PALD1: variants seen among roughly 807,000 people sequenced by gnomAD.
PALD1 encodes the protein phosphatase domain containing paladin 1.
Under a neutral mutation model 96.0 loss-of-function variants are expected in PALD1, and 57 were observed. The observed-to-expected ratio is 0.59, with a 90% confidence interval of 0.48 to 0.74. The LOEUF is 0.74. PALD1 is among the 30% of genes least tolerant of loss of function. The probability of loss-of-function intolerance (pLI) is 0.00; values close to 1 mark genes in which losing one functional copy is unlikely to be tolerated. For synonymous variants in PALD1, 464 were observed against 473.6 expected (o/e 0.98, Z 0.26); for missense variants, 1,063 against 1,143.7 (o/e 0.93, Z 1.02).
At chr10:70,543,271 A>G (rs1847291451) in intron 17 of PALD1, among the ~76,000 whole-genome samples, 1 of 152,070 alleles carries the variant, frequency 6.6e-6, no homozygotes, top group Non-Finnish European at 1.5e-5. Flanking sequence ...TTCTTTATAT[A>G]TTCTGGAAAC....
At chr10:70,558,028 C>G (rs1392921564) in intron 18 of PALD1, among the ~76,000 whole-genome samples, 1 of 147,304 alleles carries the variant, frequency 6.8e-6, no homozygotes, top group Admixed American at 6.9e-5. Flanking sequence ...ACCTCTGCCT[C>G]TTGGGCTCAA....
At position 70,530,619 on chromosome 10, in the gene PALD1, G is replaced by T. The variant is rs570444143; in HGVS notation, c.468+551G>T. On this transcript the variant is annotated intron_variant, in intron 4 of 19. Coordinates refer to ENST00000263563, the MANE Select transcript of PALD1 (RefSeq NM_014431.3). ...GTCGGATGTTGAGGCAGGGTTTTGCGTGTCCCTAGGACACAGGCTGAGGGT... is the reference window on the plus strand; with the variant it reads ...GTCGGATGTTGAGGCAGGGTTTTGCTTGTCCCTAGGACACAGGCTGAGGGT... Among the ~76,000 whole-genome samples, 3 of 152,218 alleles carry T rather than the reference G, an allele frequency of 2.0e-5. No homozygotes were observed. In the East Asian group the frequency reaches 5.8e-4, roughly 29 times the overall value.
intron 9 of PALD1, 32 bp downstream of exon 9, chr10:70,534,556 GGGT>G: frequency 6.7e-7 from 1 of 1,484,150 alleles, no homozygotes; most frequent in Non-Finnish European, 9.4e-7. Flanking sequence ...GCTGGGGCAG[GGGT>G]GGTGGAGGGG....
intron 1 of PALD1, among the ~76,000 whole-genome samples, chr10:70,513,158 A>G (rs1358335557): frequency 6.6e-6 from 1 of 152,034 alleles, no homozygotes; most frequent in Admixed American, 6.5e-5. Context: ...AAATTTTTTA[A>G]CCCCCATTTT....
In PALD1 at chr10:70,539,663, C is replaced by T. The variant is rs1163313217; in HGVS notation, c.1809C>T (p.Cys603=). The T allele has an allele frequency of 6.2e-7, 1 of 1,613,730 alleles. No individual in the cohort carries two copies. Among genetic ancestry groups the T allele is most frequent in the Non-Finnish European group, 8.5e-7 (1 of 1,179,814 alleles). The change falls in exon 15 of 20, where the codon TGC becomes TGT. Residue 603 remains cysteine (C), a synonymous_variant. Coordinates refer to ENST00000263563, the MANE Select transcript of PALD1 (RefSeq NM_014431.3). This position sits in a 1 kb window ranked among gnomAD's most constrained non-coding sequence, Gnocchi z 4.5. ...CCCTGACCTACAGGTTCCAGACCTG[C>T]CTTACCATGCAGGAGGTCTTCAGCC... The part of the protein sequence containing the change: ...EGPLTYRFQT[C]LTMQEVFSQH...
intron 1 of PALD1, among the ~76,000 whole-genome samples, chr10:70,496,711 G>A (rs551717431): frequency 1.3e-5 from 2 of 152,302 alleles, no homozygotes; most frequent in East Asian, 1.9e-4. Flanking sequence ...TAAAGCTACT[G>A]TGAACATTTT....
At chr10:70,510,069 C>T (rs1045647017) in intron 1 of PALD1, among the ~76,000 whole-genome samples, 11 of 152,084 alleles carry the variant, frequency 7.2e-5, no homozygotes, top group Non-Finnish European at 1.0e-4. Context: ...CTGGATTTGC[C>T]TAAAATATTG....
chr10:70,538,683 C>CT (rs2132391937), intron 12 of PALD1, among the ~76,000 whole-genome samples: 1 of 152,374 alleles, frequency 6.6e-6, no homozygotes, highest in Non-Finnish European at 1.5e-5. Flanking sequence ...AGCTTCTTCT[C>CT]TTTGAGCCTC....
chr10:70,486,521 G>T (rs922483649), intron 1 of PALD1, among the ~76,000 whole-genome samples: 4 of 152,136 alleles, frequency 2.6e-5, no homozygotes, highest in African/African-American at 7.2e-5. Flanking sequence ...AGCACTTTGG[G>T]AGGCCGGGGC....
intron 18 of PALD1, among the ~76,000 whole-genome samples, chr10:70,556,279 C>CCTCTCTCT (rs112574716): frequency 0.016 from 2,060 of 128,646 alleles, 51 homozygotes; most frequent in African/African-American, 0.048. Context: ...GTAGCCGAGA[C>CCTCTCTCT]CTCTCTCTCT....
At chr10:70,530,907 CAGGACACCATGCT>C (rs986811970) in intron 4 of PALD1, among the ~76,000 whole-genome samples, 7 of 152,088 alleles carry the variant, frequency 4.6e-5, no homozygotes, top group Admixed American at 1.3e-4. Context: ...CTGATTTATC[CAGGACACCATGCT>C]AGGACACCAT....
At chr10:70,512,550 C>T (rs1846534307) in intron 1 of PALD1, among the ~76,000 whole-genome samples, 1 of 152,262 alleles carries the variant, frequency 6.6e-6, no homozygotes, top group Non-Finnish European at 1.5e-5. Context: ...GTGGTCAGAG[C>T]ATGCCAAGAA....
intron 1 of PALD1, among the ~76,000 whole-genome samples, chr10:70,505,539 G>T (rs1323317914): frequency 6.6e-6 from 1 of 152,092 alleles, no homozygotes; most frequent in East Asian, 1.9e-4. Flanking sequence ...GGGAGGCGGA[G>T]GTTGCCGTGA....
rs1425607069 is a variant in PALD1, at chr10:70,541,546, C to G, written c.2121+12C>G. ...AGGGTGAATTTCAGGTGAGCATGCCCTGCGGGGTCCCTGAGGCACCTTGGG... is the reference window on the plus strand; with the variant it reads ...AGGGTGAATTTCAGGTGAGCATGCCGTGCGGGGTCCCTGAGGCACCTTGGG... On this transcript the variant is annotated intron_variant, in intron 17 of 19. Coordinates refer to ENST00000263563, the MANE Select transcript of PALD1 (RefSeq NM_014431.3). 5 of 1,605,990 alleles carry G rather than the reference C, an allele frequency of 3.1e-6. No individual in the cohort carries two copies. The South Asian group carries it at 3.3e-5, about 11-fold the overall frequency.
rs1175740896 is a variant in PALD1 at position 70,532,757 on chromosome 10, C to T, written c.770C>T (p.Pro257Leu). Reference sequence around the variant, plus strand: ...GTGACGGAGGAGGTGTACAAGCGGCCCCTCTTCCTGCAGCCCACCTACAGG... The same window carrying T: ...GTGACGGAGGAGGTGTACAAGCGGCTCCTCTTCCTGCAGCCCACCTACAGG... The part of the protein sequence containing the change: ...LHVTEEVYKR[P>L]LFLQPTYRYH... Residue 257 changes from proline to leucine, a missense_variant, in exon 6 of 20, where the codon CCC becomes CTC. Coordinates refer to ENST00000263563, the MANE Select transcript of PALD1 (RefSeq NM_014431.3). 1 of 1,614,140 alleles carries T rather than the reference C, an allele frequency of 6.2e-7. No homozygotes were observed. The highest frequency in any genetic ancestry group is 1.1e-5 in the South Asian group (1 of 91,082).
the PALD1 span, among the ~76,000 whole-genome samples, chr10:70,463,499 A>G: frequency 1.7e-4 from 26 of 152,168 alleles, no homozygotes; most frequent in Admixed American, 1.1e-3. Flanking sequence ...GTCTCCAGAC[A>G]TAATTCTACC....
chr10:70,488,258 C>T (rs1256445248), intron 1 of PALD1, among the ~76,000 whole-genome samples: 1 of 151,982 alleles, frequency 6.6e-6, no homozygotes, highest in Non-Finnish European at 1.5e-5. Context: ...GTAGTTGGGA[C>T]TACAGGTGTG....
chr10:70,525,880 T>G, intron 1 of PALD1, 43 bp from the exon 2 acceptor site: 1 of 1,539,082 alleles, frequency 6.5e-7, no homozygotes, highest in Non-Finnish European at 8.9e-7. Flanking sequence ...CTGCTGTGGA[T>G]TTTCCCATCC....
the PALD1 span, among the ~76,000 whole-genome samples, chr10:70,465,143 T>G: frequency 1.3e-4 from 19 of 151,930 alleles, no homozygotes; most frequent in Non-Finnish European, 2.9e-5. Context: ...CCCAGCTAAT[T>G]TTTTGTATTT....
Sources: gnomAD v4.1 joint callset for allele counts (sites outside exome capture counted in the v4.1 genomes callset) on GRCh38, gnomAD v4.1.1 for gene constraint, Gnocchi (gnomAD v3.1) non-coding constraint, MANE v1.5 for transcripts, NCBI Gene and HGNC (gene_info 2026-07-23, HGNC 2026-07-21) for gene names.